The following EYS variants were observed in gnomAD, a reference collection of about 807,000 sequenced individuals.
EYS encodes the protein protein eyes shut homolog.
In EYS, 250 loss-of-function variants were observed where a neutral mutation model predicts 282.1. The ratio of observed to expected loss-of-function variants is 0.89; its 90% CI spans 0.80 to 0.98. The LOEUF (loss-of-function observed/expected upper bound fraction) is 0.98. Ranked by LOEUF, EYS falls within the 50% of genes least tolerant of loss-of-function variation. The probability of loss-of-function intolerance (pLI) is 0.00; values close to 1 mark genes in which losing one functional copy is unlikely to be tolerated. For missense variants in EYS, 4,016 were observed against 3,709.0 expected (o/e 1.08, Z -2.15); for synonymous variants, 1,355 against 1,282.9 (o/e 1.06, Z -1.20).
At chr6:65,358,539 G>C (rs1764580155) in intron 8 of EYS, among the ~76,000 whole-genome samples, 1 of 151,372 alleles carries the variant, frequency 6.6e-6, no homozygotes, top group East Asian at 1.9e-4. Context: ...ATGAGTAGTA[G>C]AGCTGTATTT....
chr6:64,475,721 T>G (rs1285138966), intron 26 of EYS, among the ~76,000 whole-genome samples: 1 of 116,402 alleles, frequency 8.6e-6, no homozygotes, highest in African/African-American at 3.4e-5. Context: ...AACTTCCTCT[T>G]TTTTAAAATG....
intron 31 of EYS, among the ~76,000 whole-genome samples, chr6:64,198,875 G>A (rs1657894495): frequency 6.6e-6 from 1 of 152,094 alleles, no homozygotes; most frequent in Non-Finnish European, 1.5e-5. Context: ...GGGTATTTCT[G>A]GTTCTAGATC....
intron 35 of EYS, among the ~76,000 whole-genome samples, chr6:63,872,491 T>A (rs2149713290): frequency 6.7e-6 from 1 of 150,194 alleles, no homozygotes; most frequent in East Asian, 2.0e-4. Context: ...TTTTTTTTTT[T>A]TTTTTAGACC....
intron 19 of EYS, among the ~76,000 whole-genome samples, chr6:64,847,698 T>C (rs531220409): frequency 6.6e-5 from 10 of 152,192 alleles, no homozygotes; most frequent in South Asian, 2.1e-4. Context: ...CTACCATGTC[T>C]ATTTATTTTC....
rs182133376 is a variant in EYS, at chr6:64,480,286, T to G, written c.5645-40934A>C. ...CAGGAGTTATAGTAAATATCAATTCTTTATCTTTAAATTTGTCATTAAACA... is the reference window on the plus strand; with the variant it reads ...CAGGAGTTATAGTAAATATCAATTCGTTATCTTTAAATTTGTCATTAAACA... On this transcript the variant is annotated intron_variant, in intron 26 of 42. Transcript: ENST00000503581. Among the ~76,000 whole-genome samples the G allele has an allele frequency of 1.6e-4, 25 of 151,980 alleles. No individual in the cohort carries two copies. In the East Asian group the frequency reaches 4.6e-3, roughly 28 times the overall value.
At chr6:64,776,047 AT>A (rs1320241940) in intron 22 of EYS, among the ~76,000 whole-genome samples, 1 of 152,088 alleles carries the variant, frequency 6.6e-6, no homozygotes, top group Non-Finnish European at 1.5e-5. Context: ...GTCTATAAAA[AT>A]GCAGAAAGCA....
At chr6:64,088,553 A>G (rs117046828) in intron 31 of EYS, among the ~76,000 whole-genome samples, 1 of 152,030 alleles carries the variant, frequency 6.6e-6, no homozygotes, top group Non-Finnish European at 1.5e-5. Flanking sequence ...ATATTAAAAA[A>G]AATCTCAAAT....
intron 41 of EYS, among the ~76,000 whole-genome samples, chr6:63,747,248 T>C (rs1295912174): frequency 5.3e-5 from 8 of 152,206 alleles, no homozygotes; most frequent in Non-Finnish European, 1.2e-4. Flanking sequence ...TCCACACAGT[T>C]GTGTGGTTTT....
intron 31 of EYS, among the ~76,000 whole-genome samples, chr6:64,221,015 T>C (rs538532519): frequency 1.3e-5 from 2 of 152,300 alleles, no homozygotes; most frequent in Non-Finnish European, 2.9e-5. Context: ...AGTTGGTTTC[T>C]ATAACTTGGA....
At chr6:65,280,790 G>C (rs1296495838) in intron 12 of EYS, among the ~76,000 whole-genome samples, 1 of 151,024 alleles carries the variant, frequency 6.6e-6, no homozygotes, top group Non-Finnish European at 1.5e-5. Flanking sequence ...GGCCAAGGTG[G>C]GCGGATCGCC....
chr6:64,390,475 G>A (rs6454822), intron 28 of EYS, among the ~76,000 whole-genome samples: 4 of 150,972 alleles, frequency 2.6e-5, no homozygotes, highest in Non-Finnish European at 4.4e-5. Context: ...CCCTGACCCC[G>A]GAGCAGCCTA....
intron 35 of EYS, among the ~76,000 whole-genome samples, chr6:63,922,601 C>T (rs1764604549): frequency 1.3e-5 from 2 of 152,036 alleles, no homozygotes; most frequent in Non-Finnish European, 2.9e-5. Flanking sequence ...GATAATTAGG[C>T]ATGTCTCAAA....
intron 12 of EYS, among the ~76,000 whole-genome samples, chr6:65,196,807 A>C (rs1562016523): frequency 6.6e-6 from 1 of 152,050 alleles, no homozygotes; most frequent in Non-Finnish European, 1.5e-5. Context: ...GAAGCACCCA[A>C]AGGAAACAAG....
chr6:64,481,099 T>C (rs1776423091), intron 26 of EYS, among the ~76,000 whole-genome samples: 1 of 151,374 alleles, frequency 6.6e-6, no homozygotes, highest in Admixed American at 6.6e-5. Context: ...TGGTTCTGAA[T>C]GTATTTAATG....
intron 30 of EYS, among the ~76,000 whole-genome samples, chr6:64,290,707 C>G (rs1330712393): frequency 2.6e-5 from 4 of 151,732 alleles, no homozygotes; most frequent in Admixed American, 2.6e-4. Context: ...GAATAGATGA[C>G]AAAGTCCAAA....
At chr6:64,410,620 CATT>C (rs757515816) in intron 28 of EYS, among the ~76,000 whole-genome samples, 10 of 152,240 alleles carry the variant, frequency 6.6e-5, no homozygotes, top group Middle Eastern at 6.8e-3. Context: ...AAGCCCAATT[CATT>C]GTTGTGTGTA....
intron 33 of EYS, among the ~76,000 whole-genome samples, chr6:64,028,447 T>G (rs1379972053): frequency 4.6e-5 from 7 of 152,218 alleles, no homozygotes; most frequent in Non-Finnish European, 1.0e-4. Context: ...GTGCAAGATC[T>G]TAGACTCATT....
intron 35 of EYS, among the ~76,000 whole-genome samples, chr6:63,910,898 G>A (rs1008984237): frequency 6.6e-6 from 1 of 152,026 alleles, no homozygotes; most frequent in Non-Finnish European, 1.5e-5. Context: ...TTAGATAGCA[G>A]TTGTTAATTA....
Position 64,383,360 on chromosome 6 carries a change from T to C in EYS, c.6078+5330A>G, listed in dbSNP as rs187701541. Among the ~76,000 whole-genome samples the C allele has an allele frequency of 2.0e-4, 30 of 152,204 alleles. No homozygotes were observed. In the East Asian group the frequency reaches 5.4e-3, roughly 27 times the overall value. ...CCTCATGTAGGAATAAATTGTAAAT[T>C]GAGAGTGATTCTTATACGTGCAAGG... On this transcript the variant is annotated intron_variant, in intron 29 of 42. Transcript: ENST00000503581.
Sources: allele counts gnomAD v4.1 joint callset (sites outside exome capture counted in the v4.1 genomes callset), GRCh38; gene constraint gnomAD v4.1.1; transcripts MANE v1.5; gene names NCBI Gene and HGNC (gene_info 2026-07-23, HGNC 2026-07-21).